Variants in DCTD observed in about 807,000 individuals in gnomAD.
The protein encoded by DCTD is deoxycytidylate deaminase.
Under a neutral mutation model 21.0 loss-of-function variants are expected in DCTD, and 23 were observed. The ratio of observed to expected loss-of-function variants is 1.09; its 90% confidence interval spans 0.79 to 1.55. DCTD has a LOEUF of 1.55. Ranked by LOEUF, DCTD falls within the 40% of genes most tolerant of loss-of-function variation. The probability of loss-of-function intolerance (pLI) is 0.00; values close to 1 mark genes in which losing one functional copy is unlikely to be tolerated. For missense variants in DCTD, 224 were observed against 230.0 expected, an observed-to-expected ratio of 0.97 and a Z score of 0.17; for synonymous variants, 71 against 81.1, an observed-to-expected ratio of 0.88 and a Z score of 0.67.
chr4:182,906,305 A>C (rs1736706228), intron 3 of DCTD, among the ~76,000 whole-genome samples: 2 of 152,040 alleles, frequency 1.3e-5, no homozygotes, highest in Non-Finnish European at 2.9e-5. Context: ...AAAAAAAGTG[A>C]CTGCCTCAGA....
At chr4:182,909,840 T>C (rs1737363702) in intron 3 of DCTD, among the ~76,000 whole-genome samples, 1 of 152,212 alleles carries the variant, frequency 6.6e-6, no homozygotes, top group Admixed American at 6.5e-5. Context: ...CTATGCATGC[T>C]TAACAATATG....
chr4:182,900,172 C>T (rs1735475464), intron 3 of DCTD, among the ~76,000 whole-genome samples: 1 of 152,066 alleles, frequency 6.6e-6, no homozygotes, highest in Non-Finnish European at 1.5e-5. Context: ...AAAACTTAGC[C>T]AGGTATGGTG....
intron 3 of DCTD, among the ~76,000 whole-genome samples, chr4:182,909,763 G>T (rs1217230051): frequency 6.6e-6 from 1 of 152,140 alleles, no homozygotes; most frequent in Non-Finnish European, 1.5e-5. Flanking sequence ...TCACGTGCAT[G>T]GCAGTCAGGA....
intron 3 of DCTD, among the ~76,000 whole-genome samples, chr4:182,906,980 T>G (rs114502927): frequency 0.012 from 1,866 of 152,350 alleles, 31 homozygotes; most frequent in African/African-American, 0.043. Flanking sequence ...GTCAAGCAAG[T>G]ATCTCTGTTT....
In DCTD at chr4:182,915,204, G is replaced by A. The variant is rs1738504114; in HGVS notation, c.109-146C>T. The A allele has an allele frequency of 8.3e-6, 9 of 1,084,472 alleles. No homozygotes were observed. In the Middle Eastern group the frequency reaches 8.3e-4, roughly 100 times the overall value. 67.2% of individuals were successfully genotyped at this position (1,084,472 alleles called of 1,614,324 possible). On this transcript the variant is annotated intron_variant, in intron 2 of 5. Transcript: ENST00000438320. Reference sequence around the variant, plus strand: ...CTGAGAGCTGTCGGTCTCCTTGCCTGGTTTTTTGTGGCAGCACCCACAAGC... The same window carrying A: ...CTGAGAGCTGTCGGTCTCCTTGCCTAGTTTTTTGTGGCAGCACCCACAAGC...
At chr4:182,908,682 C>CTA (rs1737148149) in intron 3 of DCTD, among the ~76,000 whole-genome samples, 1 of 63,740 alleles carries the variant, frequency 1.6e-5, no homozygotes. Flanking sequence ...GACTCTGTCT[C>CTA]AAAAAAAAAA....
intron 3 of DCTD, among the ~76,000 whole-genome samples, chr4:182,906,086 C>T (rs1465923610): frequency 5.3e-5 from 8 of 152,146 alleles, no homozygotes; most frequent in Admixed American, 2.0e-4. Context: ...CACCTCCCGG[C>T]TGGCGAGTCG....
chr4:182,912,578 G>A (rs1025435573), intron 3 of DCTD, among the ~76,000 whole-genome samples: 4 of 152,086 alleles, frequency 2.6e-5, no homozygotes, highest in Non-Finnish European at 4.4e-5. Flanking sequence ...AAAAACAATC[G>A]GTGAAGTTGG....
chr4:182,894,377 G>T, intron 4 of DCTD, 112 bp downstream of exon 4: 3 of 661,212 alleles, frequency 4.5e-6, no homozygotes, highest in Non-Finnish European at 8.1e-6. Flanking sequence ...AGCTGATAGT[G>T]CAATTAATTT....
At position 182,893,267 on chromosome 4, in the gene DCTD, G is replaced by A. The variant is rs1010980337; in HGVS notation, c.362-140C>T. 20 of 706,012 alleles carry A rather than the reference G, an allele frequency of 2.8e-5. No individual in the cohort carries two copies. In the East Asian group the frequency reaches 4.8e-4, roughly 17 times the overall value. 43.7% of individuals were successfully genotyped at this position (706,012 alleles called of 1,614,324 possible). On this transcript the variant is annotated intron_variant, in intron 4 of 5. Coordinates refer to ENST00000438320, the MANE Select transcript of DCTD (RefSeq NM_001921.3). ...TGCTTGCAGACAGTGTCCAGTCACT[G>A]AAATACATATCTGCTGCTTTCTAAT...
intron 3 of DCTD, among the ~76,000 whole-genome samples, chr4:182,902,723 C>A (rs1735968067): frequency 7.4e-6 from 1 of 135,518 alleles, no homozygotes; most frequent in South Asian, 2.2e-4. Flanking sequence ...GGAGAGCTAA[C>A]AGGGCTGGGT....
At chr4:182,905,144 C>T (rs1736439774) in intron 3 of DCTD, among the ~76,000 whole-genome samples, 1 of 152,138 alleles carries the variant, frequency 6.6e-6, no homozygotes, top group Admixed American at 6.6e-5. Context: ...CCCATTGTCT[C>T]ACCCTCTGTT....
intron 3 of DCTD, among the ~76,000 whole-genome samples, chr4:182,895,944 C>T (rs562393745): frequency 6.6e-6 from 1 of 152,312 alleles, no homozygotes; most frequent in South Asian, 2.1e-4. Flanking sequence ...ATTCCCAGCA[C>T]ATGCTATGCA....
intron 4 of DCTD, among the ~76,000 whole-genome samples, chr4:182,894,264 A>G (rs1031143562): frequency 6.6e-6 from 1 of 152,264 alleles, no homozygotes; most frequent in Non-Finnish European, 1.5e-5. Flanking sequence ...CAGTTTAAGA[A>G]GTTGCAAACT....
intron 3 of DCTD, among the ~76,000 whole-genome samples, chr4:182,904,430 A>G (rs1276059610): frequency 1.3e-5 from 2 of 152,186 alleles, no homozygotes; most frequent in African/African-American, 2.4e-5. Context: ...CAGCGCTGAT[A>G]GTACTGTGAT....
At chr4:182,899,386 T>C (rs1424445463) in intron 3 of DCTD, among the ~76,000 whole-genome samples, 2 of 150,148 alleles carry the variant, frequency 1.3e-5, no homozygotes, top group African/African-American at 4.9e-5. Flanking sequence ...CCATAGTCAC[T>C]GCCCTTTTTT....
upstream of DCTD, chr4:182,917,442 G>C (rs1283846402): frequency 4.9e-6 from 4 of 808,542 alleles, no homozygotes; most frequent in Non-Finnish European, 6.0e-6. The surrounding 1 kb of genome is among the most constrained non-coding windows in gnomAD (Gnocchi z 4.9). Context: ...CCGCGCGTTC[G>C]CAGGACGGCG....
Position 182,891,227 on chromosome 4 carries a change from A to G in DCTD, c.*172T>C. On this transcript the variant is annotated 3_prime_UTR_variant, in exon 6 of 6. Coordinates refer to ENST00000438320, the MANE Select transcript of DCTD (RefSeq NM_001921.3). ...AAAGCAATAGTTCAAACACATGTAGATTCCATGTGACAAGAGAGACAGTAA... is the reference window on the plus strand; with the variant it reads ...AAAGCAATAGTTCAAACACATGTAGGTTCCATGTGACAAGAGAGACAGTAA... The G allele has an allele frequency of 1.6e-6, 1 of 622,772 alleles. No homozygotes were observed. Among genetic ancestry groups the G allele is most frequent in the Non-Finnish European group, 2.9e-6 (1 of 348,186 alleles). The allele number at this position is 622,772 out of a possible 1,614,324, so 38.6% of individuals were successfully genotyped here.
chr4:182,916,770 GGA>G (rs1344578055), intron 1 of DCTD: 5 of 1,123,676 alleles, frequency 4.4e-6, no homozygotes, highest in Non-Finnish European at 4.4e-6. Context: ...GGGAAGAGCA[GGA>G]GAGGGAAGGG....
Sources: allele counts gnomAD v4.1 joint callset (sites outside exome capture counted in the v4.1 genomes callset), GRCh38; gene constraint gnomAD v4.1.1; non-coding constraint Gnocchi (gnomAD v3.1); transcripts MANE v1.5; gene names NCBI Gene and HGNC (gene_info 2026-07-23, HGNC 2026-07-21).